Variants in CACNA2D1 observed in about 807,000 individuals in gnomAD.
CACNA2D1 encodes the protein calcium voltage-gated channel auxiliary subunit alpha2delta 1.
A neutral mutation model predicts 171.5 loss-of-function variants in CACNA2D1; 53 were observed. That is an observed-to-expected ratio of 0.31 (90% CI 0.25 to 0.39). CACNA2D1 has a LOEUF of 0.39. Ranked by LOEUF, CACNA2D1 falls within the 10% of genes least tolerant of loss-of-function variation. CACNA2D1 has a pLI of 1.00. For missense variants in CACNA2D1, 903 were observed against 1,299.8 expected, an observed-to-expected ratio of 0.69 and a Z score of 4.69; for synonymous variants, 442 against 443.1, an observed-to-expected ratio of 1.00 and a Z score of 0.03.
intron 7 of CACNA2D1, among the ~76,000 whole-genome samples, chr7:82,076,690 A>T (rs1040857985): frequency 3.3e-5 from 5 of 152,150 alleles, no homozygotes; most frequent in African/African-American, 1.2e-4. Context: ...TGCTTTAATC[A>T]TTGCATTACA....
At chr7:82,040,267 C>T (rs1000550338) in intron 10 of CACNA2D1, among the ~76,000 whole-genome samples, 1 of 151,920 alleles carries the variant, frequency 6.6e-6, no homozygotes, top group Non-Finnish European at 1.5e-5. Flanking sequence ...CTGACATGGG[C>T]ATCTGGAAGG....
chr7:82,077,480 G>C (rs1563009411), intron 7 of CACNA2D1, among the ~76,000 whole-genome samples: 1 of 151,934 alleles, frequency 6.6e-6, no homozygotes, highest in Admixed American at 6.6e-5. Context: ...AGAGTAGTGA[G>C]ATCTGGGTGC....
chr7:82,310,243 A>T (rs1814259522), intron 3 of CACNA2D1, among the ~76,000 whole-genome samples: 1 of 151,806 alleles, frequency 6.6e-6, no homozygotes, highest in African/African-American at 2.4e-5. Flanking sequence ...AATTAATATA[A>T]TTAAATCTAT....
chr7:81,962,045 T>C (rs756603723), intron 35 of CACNA2D1, 22 bp from the exon 36 acceptor site: 1 of 1,611,458 alleles, frequency 6.2e-7, no homozygotes, highest in Admixed American at 1.7e-5. Context: ...GGGGACGGTG[T>C]AAAAACAAAG....
At chr7:81,951,877 T>C (rs1232925293) in intron 38 of CACNA2D1, among the ~76,000 whole-genome samples, 1 of 151,906 alleles carries the variant, frequency 6.6e-6, no homozygotes, top group Non-Finnish European at 1.5e-5. Flanking sequence ...CTGGATCAAA[T>C]GGTAGTTCTA....
intron 3 of CACNA2D1, among the ~76,000 whole-genome samples, chr7:82,192,854 G>A (rs1417009177): frequency 6.7e-6 from 1 of 150,100 alleles, no homozygotes; most frequent in African/African-American, 2.5e-5. Context: ...CTTTGAGATT[G>A]CTCCAGAATA....
intron 1 of CACNA2D1, among the ~76,000 whole-genome samples, chr7:82,390,437 G>A (rs1244182871): frequency 6.6e-6 from 1 of 152,116 alleles, no homozygotes; most frequent in East Asian, 1.9e-4. Context: ...CTGCTCTCAG[G>A]TAATTGAGCA....
intron 3 of CACNA2D1, among the ~76,000 whole-genome samples, chr7:82,302,688 A>G (rs1483413517): frequency 1.3e-5 from 2 of 152,192 alleles, no homozygotes; most frequent in African/African-American, 4.8e-5. Flanking sequence ...AAGCGCTGGA[A>G]ATACAGGCGT....
intron 3 of CACNA2D1, among the ~76,000 whole-genome samples, chr7:82,215,494 T>C (rs1801007460): frequency 1.3e-5 from 2 of 152,152 alleles, no homozygotes; most frequent in African/African-American, 2.4e-5. Flanking sequence ...AAATAAACCA[T>C]TCCATGAAAA....
At chr7:82,437,833 T>C (rs915485949) in intron 1 of CACNA2D1, among the ~76,000 whole-genome samples, 3 of 152,170 alleles carry the variant, frequency 2.0e-5, no homozygotes, top group Non-Finnish European at 4.4e-5. Context: ...TAAGAGCTTA[T>C]ATTTTACAAA....
At chr7:82,312,035 C>T (rs1268750056) in intron 3 of CACNA2D1, among the ~76,000 whole-genome samples, 2 of 152,108 alleles carry the variant, frequency 1.3e-5, no homozygotes, top group African/African-American at 4.8e-5. Flanking sequence ...GGCTCTAAAC[C>T]TTAAGTGATT....
chr7:82,431,155 AG>A (rs1829639977), intron 1 of CACNA2D1, among the ~76,000 whole-genome samples: 4 of 152,294 alleles, frequency 2.6e-5, no homozygotes, highest in Admixed American at 2.6e-4. Context: ...TTATGATGAA[AG>A]ACTGCACAGG....
intron 3 of CACNA2D1, among the ~76,000 whole-genome samples, chr7:82,248,310 C>G (rs1585214414): frequency 6.6e-6 from 1 of 152,104 alleles, no homozygotes. Flanking sequence ...TCCCTAGGCC[C>G]TCTTTTTGGA....
At position 81,951,967 on chromosome 7, in the gene CACNA2D1, G is replaced by GTGTTTTTTTTTTTTGTT. The variant is rs1562762255; in HGVS notation, c.3160-1460_3160-1459insAACAAAAAAAAAAAACA. Among the ~76,000 whole-genome samples, 8 of 27,528 alleles carry GTGTTTTTTTTTTTTGTT rather than the reference G, an allele frequency of 2.9e-4. 1 individual carries two copies. Among genetic ancestry groups the GTGTTTTTTTTTTTTGTT allele is most frequent in the African/African-American group, 1.3e-3 (8 of 6,252 alleles). 18.1% of individuals were successfully genotyped at this position (27,528 alleles called of 152,430 possible). A position where few individuals can be genotyped will look rare whatever the true frequency, so the allele number is the denominator to read the frequency against. On this transcript the variant is annotated intron_variant, in intron 38 of 38. Coordinates refer to ENST00000356860, the MANE Select transcript of CACNA2D1 (RefSeq NM_000722.4). ...TACATTCCCACCAGCAGTGTACAAA[G>GTGTTTTTTTTTTTTGTT]TGTTTTTTTTTTTTTTTTTTTTTTA... is the stretch of plus-strand genomic sequence containing the variant.
In CACNA2D1 at chr7:82,074,769, A is replaced by G. The variant is rs376164045; in HGVS notation, c.659-8245T>C. Reference sequence around the variant, plus strand: ...ATCTAATCAAATAATTTTGAATTTTAATTTTGTTTCTGGGCAGTGAGTCTC... The same window carrying G: ...ATCTAATCAAATAATTTTGAATTTTGATTTTGTTTCTGGGCAGTGAGTCTC... On this transcript the variant is annotated intron_variant, in intron 7 of 38. Transcript: ENST00000356860. Among the ~76,000 whole-genome samples the G allele has an allele frequency of 3.9e-5, 6 of 152,160 alleles. No individual in the cohort carries two copies. In the South Asian group the frequency reaches 1.0e-3, roughly 26 times the overall value.
chr7:82,425,197 T>C (rs923641347), intron 1 of CACNA2D1, among the ~76,000 whole-genome samples: 1 of 152,178 alleles, frequency 6.6e-6, no homozygotes, highest in Non-Finnish European at 1.5e-5. Flanking sequence ...CAAAGGGGTA[T>C]TGAGCCCCCT....
At chr7:82,133,264 T>C (rs1791214291) in intron 5 of CACNA2D1, among the ~76,000 whole-genome samples, 1 of 152,216 alleles carries the variant, frequency 6.6e-6, no homozygotes, top group Non-Finnish European at 1.5e-5. Flanking sequence ...CATATTAATA[T>C]ACAGATTTCA....
chr7:82,164,209 A>G (rs1795221569), intron 4 of CACNA2D1, among the ~76,000 whole-genome samples: 1 of 151,998 alleles, frequency 6.6e-6, no homozygotes, highest in Non-Finnish European at 1.5e-5. Context: ...TAATACTACA[A>G]GTAATTATTT....
At position 82,395,505 on chromosome 7, in the gene CACNA2D1, G is replaced by A. The variant is rs75247128; in HGVS notation, c.96-45856C>T. Among the ~76,000 whole-genome samples the A allele has an allele frequency of 6.2e-3, 945 of 152,218 alleles. 15 individuals are homozygous for A. Among genetic ancestry groups the A allele is most frequent in the African/African-American group, 0.021 (883 of 41,532 alleles). On this transcript the variant is annotated intron_variant, in intron 1 of 38. Coordinates refer to ENST00000356860, the MANE Select transcript of CACNA2D1 (RefSeq NM_000722.4). ...TTACATATTTAAAAACCCTCTAAGC[G>A]CATGTCTCATATAAGCATGTAAGGC...
Sources: allele counts gnomAD v4.1 joint callset (sites outside exome capture counted in the v4.1 genomes callset), GRCh38; gene constraint gnomAD v4.1.1; transcripts MANE v1.5; gene names NCBI Gene and HGNC (gene_info 2026-07-23, HGNC 2026-07-21).